The following TPGS1 variants were observed in gnomAD, a reference collection of about 807,000 sequenced individuals.
The protein encoded by TPGS1 is gene trap ROSA b-geo 22.
In TPGS1, 18 loss-of-function variants were observed where a neutral mutation model predicts 11.9. The ratio of observed to expected loss-of-function variants is 1.51; its 90% CI spans 1.04 to 2.24. TPGS1 has a LOEUF of 2.24. Among genes scored for constraint, TPGS1 ranks in the 30% most tolerant of loss-of-function variants. TPGS1 has a pLI of 0.00. For missense variants in TPGS1, 500 were observed against 443.0 expected (o/e 1.13, Z -1.16); for synonymous variants, 247 against 218.2 (o/e 1.13, Z -1.16).
Position 519,183 on chromosome 19 carries a change from C to T in TPGS1, c.633C>T (p.Ala211=), listed in dbSNP as rs1454415246. Residue 211 remains alanine (A), a synonymous_variant, in exon 2 of 2, where the codon GCC becomes GCT. Coordinates refer to ENST00000359315, the MANE Select transcript of TPGS1 (RefSeq NM_033513.3). ...AGCTGCTGGAGGACTCGGCCGCCGC[C>T]GTGGCCGACCGCCGCGTGGGCCAGG... ...LFQLLEDSAA[A]VADRRVGQAV... 2.7e-6 allele frequency: 4 copies of T among 1,488,298 alleles called. No homozygotes were observed. The highest frequency in any genetic ancestry group is 2.2e-5 in the Admixed American group (1 of 44,856). 92.2% of individuals were successfully genotyped at this position (1,488,298 alleles called of 1,614,324 possible).
At chr19:518,788 G>A in intron 1 of TPGS1, 101 bp from the exon 2 acceptor site, 1 of 1,286,636 alleles carries the variant, frequency 7.8e-7, no homozygotes, top group Non-Finnish European at 1.0e-6. Flanking sequence ...AGGGCTGGCT[G>A]GGGGGTCGGG....
At chr19:518,856 C>G in intron 1 of TPGS1, 33 bp from the exon 2 acceptor site, 3 of 1,476,384 alleles carry the variant, frequency 2.0e-6, no homozygotes, top group Non-Finnish European at 2.7e-6. Context: ...GGCGCGCGGT[C>G]TCTGCCGGCC....
intron 1 of TPGS1, among the ~76,000 whole-genome samples, chr19:511,552 A>T (rs1314375530): frequency 6.6e-6 from 1 of 152,248 alleles, no homozygotes; most frequent in Admixed American, 6.5e-5. Context: ...CCCACTCCGT[A>T]GATGCACAAG....
chr19:510,353 A>AC (rs1161098653), intron 1 of TPGS1: 1 of 152,042 alleles, frequency 6.6e-6, no homozygotes, highest in Non-Finnish European at 1.5e-5. Context: ...AGCCTGGGCG[A>AC]CAGAGCGAGA....
At chr19:515,426 C>A (rs1243284408) in intron 1 of TPGS1, among the ~76,000 whole-genome samples, 1 of 150,486 alleles carries the variant, frequency 6.6e-6, no homozygotes, top group East Asian at 2.0e-4. Flanking sequence ...AGAAAAAATG[C>A]AATGTCAGCT....
intron 1 of TPGS1, chr19:509,648 T>C (rs1978727547): frequency 6.6e-6 from 1 of 152,378 alleles, no homozygotes; most frequent in African/African-American, 2.4e-5. Flanking sequence ...GCCTCCTGTG[T>C]GTCTCTGTTC....
At chr19:511,844 G>A (rs1223887481) in intron 1 of TPGS1, among the ~76,000 whole-genome samples, 1 of 152,092 alleles carries the variant, frequency 6.6e-6, no homozygotes, top group African/African-American at 2.4e-5. Context: ...AACTCTTCTC[G>A]CTTACTCTGC....
In TPGS1 at chr19:518,994, G is replaced by T; in HGVS notation, c.444G>T (p.Arg148Ser). The T allele has an allele frequency of 6.3e-7, 1 of 1,579,620 alleles. No homozygotes were observed. The highest frequency in any genetic ancestry group is 8.5e-7 in the Non-Finnish European group (1 of 1,170,380). ...LDGRTYSELL[R>S]RICRDGQAPE... ...GGCGCACCTACAGCGAGCTGCTCAGGCGCATCTGCCGGGACGGCCAAGCCC... is the reference window on the plus strand; with the variant it reads ...GGCGCACCTACAGCGAGCTGCTCAGTCGCATCTGCCGGGACGGCCAAGCCC... The change falls in exon 2 of 2, where the codon AGG becomes AGT. Residue 148 changes from arginine (R) to serine (S), a missense_variant. By Grantham distance (110) the Arg-to-Ser change is moderately radical. Coordinates refer to ENST00000359315, the MANE Select transcript of TPGS1 (RefSeq NM_033513.3).
At chr19:516,037 AAAAAAAAAAAGG>A (rs1978944063) in intron 1 of TPGS1, among the ~76,000 whole-genome samples, 1 of 149,964 alleles carries the variant, frequency 6.7e-6, no homozygotes, top group Non-Finnish European at 1.5e-5. Context: ...GTCTCAAAAA[AAAAAAAAAAAGG>A]AAGAAAGAAA....
intron 1 of TPGS1, among the ~76,000 whole-genome samples, chr19:515,747 A>G (rs563673590): frequency 6.9e-6 from 1 of 144,478 alleles, no homozygotes; most frequent in Admixed American, 7.0e-5. Context: ...AAAAAAAGAA[A>G]GAGGGCCGGG....
chr19:514,118 C>T (rs1243273559), intron 1 of TPGS1, among the ~76,000 whole-genome samples: 1 of 151,662 alleles, frequency 6.6e-6, no homozygotes, highest in African/African-American at 2.4e-5. Context: ...TCACTAAGCA[C>T]CTACTGTACA....
intron 1 of TPGS1, among the ~76,000 whole-genome samples, chr19:511,325 G>T (rs1317796105): frequency 6.6e-6 from 1 of 152,282 alleles, no homozygotes; most frequent in Non-Finnish European, 1.5e-5. Context: ...CCGCCTTGAA[G>T]TGGGCTGTCA....
chr19:513,905 C>T (rs905881386), intron 1 of TPGS1, among the ~76,000 whole-genome samples: 1 of 151,586 alleles, frequency 6.6e-6, no homozygotes, highest in Non-Finnish European at 1.5e-5. Context: ...CCCAGCATTA[C>T]TGAGCACCTA....
intron 1 of TPGS1, 94 bp from the exon 2 acceptor site, chr19:518,795 C>A: frequency 8.6e-7 from 1 of 1,159,736 alleles, no homozygotes; most frequent in South Asian, 2.1e-5. Flanking sequence ...GCTGGGGGGT[C>A]GGGGAGGCTA....
In TPGS1 at chr19:507,718, T is replaced by A; in HGVS notation, c.212T>A (p.Phe71Tyr). 2.1e-6 allele frequency: 3 copies of A among 1,402,068 alleles called. No individual in the cohort carries two copies. The highest frequency in any genetic ancestry group is 2.8e-6 in the Non-Finnish European group (3 of 1,072,822). The allele number at this position is 1,402,068 out of a possible 1,614,324, so 86.9% of individuals were successfully genotyped here. The change falls in exon 1 of 2, where the codon TTC (phenylalanine) becomes TAC (tyrosine). Residue 71 changes from phenylalanine to tyrosine, a missense_variant. Physicochemically the swap from Phe to Tyr is conservative, Grantham distance 22. Transcript: ENST00000359315. ...EEPIAFLAHY[F>Y]ENMGLRSPVN... ...CCGATCGCCTTCCTGGCTCACTACT[T>A]CGAGAACATGGGCCTGCGCTCGCCT...
At chr19:515,112 C>T (rs1978912268) in intron 1 of TPGS1, among the ~76,000 whole-genome samples, 1 of 152,214 alleles carries the variant, frequency 6.6e-6, no homozygotes, top group Non-Finnish European at 1.5e-5. Context: ...TCGGAAGCTG[C>T]CACAGGCCAC....
intron 1 of TPGS1, among the ~76,000 whole-genome samples, chr19:512,951 C>T (rs544703685): frequency 1.8e-4 from 28 of 152,364 alleles, no homozygotes; most frequent in African/African-American, 6.7e-4. Context: ...GCGCGGGTTC[C>T]CCTGCGGGGG....
At chr19:518,179 T>G (rs1044737998) in intron 1 of TPGS1, among the ~76,000 whole-genome samples, 13 of 3,988 alleles carry the variant, frequency 3.3e-3, no homozygotes, top group Non-Finnish European at 4.3e-3. Context: ...GGAGTGCTGG[T>G]GGGGTGGGGA....
intron 1 of TPGS1, chr19:508,570 G>A (rs1978695838): frequency 6.6e-6 from 1 of 152,364 alleles, no homozygotes; most frequent in Admixed American, 6.5e-5. Flanking sequence ...TTTTGTTGGG[G>A]GGGGGGTCCC....
Sources: gnomAD v4.1 joint callset for allele counts (sites outside exome capture counted in the v4.1 genomes callset) on GRCh38, gnomAD v4.1.1 for gene constraint, MANE v1.5 for transcripts, NCBI Gene and HGNC (gene_info 2026-07-23, HGNC 2026-07-21) for gene names.